CCSER1: variants seen among roughly 807,000 people sequenced by gnomAD.
CCSER1 encodes coiled-coil serine rich protein 1.
In CCSER1, 41 loss-of-function variants were observed where a neutral mutation model predicts 82.0. That is an observed-to-expected ratio of 0.50 (90% CI 0.39 to 0.65). The LOEUF (loss-of-function observed/expected upper bound fraction) is 0.65, where lower values mean the gene tolerates loss of function less well. Ranked by LOEUF, CCSER1 falls within the 30% of genes least tolerant of loss-of-function variation. CCSER1 has a pLI of 0.00. For synonymous variants in CCSER1, 414 were observed against 383.9 expected (o/e 1.08, Z -0.92); for missense variants, 1,119 against 1,064.2 (o/e 1.05, Z -0.72).
Position 90,231,565 on chromosome 4 carries a change from A to G in CCSER1, c.-41-76679A>G, listed in dbSNP as rs1355690062. Among the ~76,000 whole-genome samples, 293 of 142,994 alleles carry G rather than the reference A, an allele frequency of 2.0e-3. 1 individual carries two copies. The highest frequency in any genetic ancestry group is 7.5e-3 in the African/African-American group (274 of 36,500). The allele number at this position is 142,994 out of a possible 152,430, so 93.8% of individuals were successfully genotyped here. On this transcript the variant is annotated intron_variant, in intron 1 of 10. Coordinates refer to ENST00000509176, the MANE Select transcript of CCSER1 (RefSeq NM_001145065.2). ...CATTCCCTTTGAAAACTGGCACAAGACAGGGATGCCCTCTCTCACGACTCC... is the reference window on the plus strand; with the variant it reads ...CATTCCCTTTGAAAACTGGCACAAGGCAGGGATGCCCTCTCTCACGACTCC...
intron 6 of CCSER1, among the ~76,000 whole-genome samples, chr4:90,707,529 TAAAA>T (rs75961345): frequency 2.4e-4 from 35 of 144,776 alleles, no homozygotes; most frequent in African/African-American, 8.5e-4. Flanking sequence ...ATTTCTACCT[TAAAA>T]AAAAAATATA....
At chr4:91,144,674 T>A (rs1371693927) in intron 10 of CCSER1, among the ~76,000 whole-genome samples, 5 of 151,898 alleles carry the variant, frequency 3.3e-5, no homozygotes, top group Non-Finnish European at 7.4e-5. Flanking sequence ...GTTTTTTTTT[T>A]ATTTCCAACA....
intron 10 of CCSER1, among the ~76,000 whole-genome samples, chr4:91,511,179 TTGA>T (rs1242931991): frequency 6.6e-6 from 1 of 152,208 alleles, no homozygotes; most frequent in East Asian, 1.9e-4. Context: ...GTTTCATTGG[TTGA>T]TGTCTCTGTT....
intron 5 of CCSER1, among the ~76,000 whole-genome samples, chr4:90,512,307 CAA>C (rs34130886): frequency 1.2e-4 from 13 of 110,306 alleles, no homozygotes; most frequent in Admixed American, 1.9e-4. Flanking sequence ...GAATTCCAAG[CAA>C]AAAAAAAAAA....
intron 1 of CCSER1, among the ~76,000 whole-genome samples, chr4:90,232,422 G>C (rs1023727588): frequency 3.3e-5 from 5 of 152,170 alleles, no homozygotes; most frequent in Admixed American, 2.6e-4. Context: ...CTAGCCATAT[G>C]TAGAAAGCTG....
At chr4:91,065,995 A>G (rs1231247733) in intron 9 of CCSER1, among the ~76,000 whole-genome samples, 1 of 152,174 alleles carries the variant, frequency 6.6e-6, no homozygotes, top group Non-Finnish European at 1.5e-5. Flanking sequence ...TTTATCAAAC[A>G]TTCATCCATT....
chr4:90,331,934 T>C (rs1255042945), intron 3 of CCSER1, among the ~76,000 whole-genome samples: 1 of 152,128 alleles, frequency 6.6e-6, no homozygotes, highest in Non-Finnish European at 1.5e-5. Context: ...CTCAGAGAAG[T>C]AAAATGAGGT....
intron 8 of CCSER1, among the ~76,000 whole-genome samples, chr4:90,838,443 TTAA>T (rs2149855495): frequency 6.6e-6 from 1 of 151,696 alleles, no homozygotes. Flanking sequence ...TTGATCATTT[TTAA>T]TAATTTAATA....
chr4:91,562,278 C>T (rs1459489126), intron 10 of CCSER1, among the ~76,000 whole-genome samples: 1 of 151,220 alleles, frequency 6.6e-6, no homozygotes, highest in Non-Finnish European at 1.5e-5. Context: ...ACTTTTATGT[C>T]TTTAAAATTG....
At chr4:90,480,325 G>T (rs1347881889) in intron 5 of CCSER1, among the ~76,000 whole-genome samples, 2 of 152,062 alleles carry the variant, frequency 1.3e-5, no homozygotes, top group Non-Finnish European at 2.9e-5. Context: ...CATTCTGTAG[G>T]TTGCCTGTTC....
intron 1 of CCSER1, among the ~76,000 whole-genome samples, chr4:90,175,976 G>T (rs1392956202): frequency 6.6e-6 from 1 of 151,900 alleles, no homozygotes; most frequent in East Asian, 1.9e-4. Context: ...ATGGAGGTGG[G>T]TATGGTATCA....
At chr4:91,535,653 A>G (rs1188135052) in intron 10 of CCSER1, among the ~76,000 whole-genome samples, 1 of 150,316 alleles carries the variant, frequency 6.7e-6, no homozygotes, top group African/African-American at 2.5e-5. Flanking sequence ...TAAAATTTTA[A>G]GAATAAACAG....
intron 5 of CCSER1, among the ~76,000 whole-genome samples, chr4:90,582,215 G>T (rs990775674): frequency 6.6e-6 from 1 of 152,092 alleles, no homozygotes; most frequent in Non-Finnish European, 1.5e-5. Context: ...TGTGGCTCAA[G>T]GCAGAATATT....
chr4:91,001,553 GTCTGATATAAGAATAGCTAC>G (rs1404559638), intron 9 of CCSER1, among the ~76,000 whole-genome samples: 2 of 151,786 alleles, frequency 1.3e-5, no homozygotes, highest in Non-Finnish European at 2.9e-5. Context: ...TATTTGTTTT[GTCTGATATAAGAATAGCTAC>G]TCCTGCTTAC....
At chr4:90,221,650 T>A (rs1413229385) in intron 1 of CCSER1, among the ~76,000 whole-genome samples, 1 of 152,146 alleles carries the variant, frequency 6.6e-6, no homozygotes, top group Non-Finnish European at 1.5e-5. Flanking sequence ...AAAATATATA[T>A]TTATTCTTTC....
chr4:91,476,525 A>G (rs1757606872), intron 10 of CCSER1, among the ~76,000 whole-genome samples: 2 of 151,774 alleles, frequency 1.3e-5, no homozygotes, highest in Non-Finnish European at 3.0e-5. Context: ...GACATTCTTC[A>G]CAGAAATTTT....
At chr4:90,755,351 A>G (rs1476948867) in intron 7 of CCSER1, among the ~76,000 whole-genome samples, 1 of 152,102 alleles carries the variant, frequency 6.6e-6, no homozygotes, top group Non-Finnish European at 1.5e-5. Flanking sequence ...TTTCCATTAC[A>G]GCTCCCACTC....
At chr4:90,808,628 A>T (rs1352549272) in intron 7 of CCSER1, among the ~76,000 whole-genome samples, 2 of 152,186 alleles carry the variant, frequency 1.3e-5, no homozygotes, top group African/African-American at 4.8e-5. Flanking sequence ...CCAACAAACC[A>T]TATGAAAAAA....
chr4:90,629,937 C>T (rs1440744947), intron 6 of CCSER1, among the ~76,000 whole-genome samples: 1 of 152,184 alleles, frequency 6.6e-6, no homozygotes, highest in Non-Finnish European at 1.5e-5. Context: ...TTTAGAATCA[C>T]ATGGTGGAAG....
Sources: allele counts gnomAD v4.1 joint callset (sites outside exome capture counted in the v4.1 genomes callset), GRCh38; gene constraint gnomAD v4.1.1; transcripts MANE v1.5; gene names NCBI Gene and HGNC (gene_info 2026-07-23, HGNC 2026-07-21).